ZNF175: variants seen among roughly 807,000 people sequenced by gnomAD.
The protein encoded by ZNF175 is zinc finger protein OTK18.
ZNF175 carries 8 observed loss-of-function variants against 14.0 expected under a neutral mutation model. That is an observed-to-expected ratio of 0.57 (90% CI 0.34 to 1.03). The LOEUF is 1.03. ZNF175 is among the 50% of genes least tolerant of loss of function. The probability of loss-of-function intolerance (pLI) is 0.03; values close to 1 mark genes in which losing one functional copy is unlikely to be tolerated. For missense variants in ZNF175, 764 were observed against 849.5 expected, an observed-to-expected ratio of 0.90 and a Z score of 1.25; for synonymous variants, 255 against 296.8, an observed-to-expected ratio of 0.86 and a Z score of 1.45.
Position 51,592,459 on chromosome 19 carries a change from A to G in ZNF175, c.*3992A>G, listed in dbSNP as rs888746078. On this transcript the variant is annotated 3_prime_UTR_variant, in exon 5 of 5. Transcript: ENST00000262259. ...ACAAATGCTCGTTCTTAATGATTCA[A>G]CAAACATGGAATTTCATTAAATCTG... The G allele has an allele frequency of 5.4e-6, 3 of 556,868 alleles. No individual in the cohort carries two copies. Among genetic ancestry groups the G allele is most frequent in the Non-Finnish European group, 9.4e-6 (3 of 318,790 alleles). 34.5% of individuals were successfully genotyped at this position (556,868 alleles called of 1,614,324 possible). A position where few individuals can be genotyped will look rare whatever the true frequency, so the allele number is the denominator to read the frequency against.
In ZNF175 at chr19:51,588,939, T is replaced by TAA; in HGVS notation, c.*473_*474dup. 2.6e-6 allele frequency: 1 copy of TAA among 379,092 alleles called. No individual in the cohort carries two copies. Among genetic ancestry groups the TAA allele is most frequent in the East Asian group, 3.8e-5 (1 of 26,258 alleles). The allele number at this position is 379,092 out of a possible 1,614,324, so 23.5% of individuals were successfully genotyped here. A position where few individuals can be genotyped will look rare whatever the true frequency, so the allele number is the denominator to read the frequency against. On this transcript the variant is annotated 3_prime_UTR_variant, in exon 5 of 5. Transcript: ENST00000262259. ...CGCCTTATGTATATAAGCATATATA[T>TAA]AATATATAAGCATATTATTATATAC...
In ZNF175 at chr19:51,587,400, C is replaced by T. The variant is rs139618565; in HGVS notation, c.1069C>T (p.His357Tyr). Residue 357 changes from histidine to tyrosine, a missense_variant, in exon 5 of 5, where the codon CAC (histidine) becomes TAC (tyrosine). His to Tyr is a moderately conservative substitution (Grantham distance 83). Coordinates refer to ENST00000262259, the MANE Select transcript of ZNF175 (RefSeq NM_007147.4). The stretch of plus-strand genomic sequence containing the variant: ...AGAATTGCTTACGCACCAGAAAACA[C>T]ACACTAGAAAGAAGCCCTATAAATG... ...RSELLTHQKT[H>Y]TRKKPYKCHD... 15 of 1,613,976 alleles carry T rather than the reference C, an allele frequency of 9.3e-6. No homozygotes were observed. In the African/African-American group the frequency reaches 2.0e-4, roughly 22 times the overall value.
intron 2 of ZNF175, among the ~76,000 whole-genome samples, chr19:51,577,836 T>A (rs1000070484): frequency 6.6e-6 from 1 of 151,678 alleles, no homozygotes. Flanking sequence ...GCTAATTTTT[T>A]GTATTTTTAG....
chr19:51,585,617 T>G lies in ZNF175; in HGVS notation c.296-1010T>G, dbSNP rs556840264. Among the ~76,000 whole-genome samples the G allele has an allele frequency of 8.5e-5, 13 of 152,302 alleles. No individual in the cohort carries two copies. In the South Asian group the frequency reaches 2.7e-3, roughly 32 times the overall value. On this transcript the variant is annotated intron_variant, in intron 4 of 4. Coordinates refer to ENST00000262259, the MANE Select transcript of ZNF175 (RefSeq NM_007147.4). ...AAGCGAAAAGAAACTACATGTGATG[T>G]TCATACTCAGTATTAAAATCTGGTA... is the stretch of plus-strand genomic sequence containing the variant.
Position 51,589,874 on chromosome 19 carries a change from T to TACACACACAAAC in ZNF175, c.*1417_*1428dup, listed in dbSNP as rs1349071811. On this transcript the variant is annotated 3_prime_UTR_variant, in exon 5 of 5. Coordinates refer to ENST00000262259, the MANE Select transcript of ZNF175 (RefSeq NM_007147.4). ...ACAGAAAATGTTTGCCAGCACATGA[T>TACACACACAAAC]ACACACACAAACACACACACATACA... 1.2e-5 allele frequency: 6 copies of TACACACACAAAC among 500,182 alleles called. No homozygotes were observed. Among genetic ancestry groups the TACACACACAAAC allele is most frequent in the Non-Finnish European group, 2.1e-5 (6 of 281,980 alleles). The allele number at this position is 500,182 out of a possible 1,614,324, so 31.0% of individuals were successfully genotyped here.
intron 2 of ZNF175, among the ~76,000 whole-genome samples, chr19:51,581,182 A>AAATG (rs1981985747): frequency 6.6e-6 from 1 of 152,180 alleles, no homozygotes; most frequent in African/African-American, 2.4e-5. Flanking sequence ...TGAAAAAAAA[A>AAATG]AATGAATGAA....
Position 51,586,878 on chromosome 19 carries a change from C to T in ZNF175, c.547C>T (p.Arg183Cys), listed in dbSNP as rs760468020. ...CEYKDPGKMI[R>C]TRPHLASSQK... is the part of the protein sequence containing the mutation. ...ATATAAGGACCCTGGGAAAATGATT[C>T]GCACGAGGCCCCACCTTGCTTCTTC... The change falls in exon 5 of 5, where the codon CGC becomes TGC. Residue 183 changes from arginine (R) to cysteine (C), a missense_variant. Physicochemically the swap from Arg to Cys is radical, Grantham distance 180 (BLOSUM62 -3). Coordinates refer to ENST00000262259, the MANE Select transcript of ZNF175 (RefSeq NM_007147.4). 6.3e-5 allele frequency: 102 copies of T among 1,614,052 alleles called. No homozygotes were observed. In the East Asian group the frequency reaches 1.3e-3, roughly 20 times the overall value.
Position 51,591,538 on chromosome 19 carries a change from A to G in ZNF175, c.*3071A>G, listed in dbSNP as rs1226036782. The stretch of plus-strand genomic sequence containing the variant: ...TTTTGAGTTTCCAGAGGGAGAAGCT[A>G]CTATTCTAGGCAGCTTGTATGAACT... On this transcript the variant is annotated 3_prime_UTR_variant, in exon 5 of 5. Coordinates refer to ENST00000262259, the MANE Select transcript of ZNF175 (RefSeq NM_007147.4). 1 of 152,224 alleles carries G rather than the reference A, an allele frequency of 6.6e-6. No individual in the cohort carries two copies. Among genetic ancestry groups the G allele is most frequent in the Admixed American group, 6.5e-5 (1 of 15,276 alleles). The allele number at this position is 152,224 out of a possible 1,614,324, so 9.4% of individuals were successfully genotyped here. A position where few individuals can be genotyped will look rare whatever the true frequency, so the allele number is the denominator to read the frequency against.
In ZNF175 at chr19:51,587,672, T is replaced by C. The variant is rs552270704; in HGVS notation, c.1341T>C (p.Tyr447=). 1.9e-6 allele frequency: 3 copies of C among 1,614,014 alleles called. No individual in the cohort carries two copies. Among genetic ancestry groups the C allele is most frequent in the South Asian group, 2.2e-5 (2 of 91,068 alleles). ...GAATCCACTCAGGGCAGAAGTCCTA[T>C]GTGTGTATCGAATGCGGGCAGGCCT... ...HQRIHSGQKS[Y]VCIECGQAFI... is the part of the protein sequence containing the mutation. Residue 447 remains tyrosine, a synonymous_variant, in exon 5 of 5, where the codon TAT becomes TAC. Coordinates refer to ENST00000262259, the MANE Select transcript of ZNF175 (RefSeq NM_007147.4).
At chr19:51,580,622 G>A (rs189594503) in intron 2 of ZNF175, among the ~76,000 whole-genome samples, 8 of 152,200 alleles carry the variant, frequency 5.3e-5, no homozygotes, top group Non-Finnish European at 1.2e-4. Context: ...ATGGCAGTCC[G>A]TTCATTAAAA....
chr19:51,577,663 C>CTT (rs35533410), intron 2 of ZNF175, among the ~76,000 whole-genome samples: 4,597 of 127,162 alleles, frequency 0.036, 336 homozygotes, highest in African/African-American at 0.12. Flanking sequence ...CTTTCTCTCT[C>CTT]TTTTTTTTTT....
chr19:51,578,811 A>T (rs937138101), intron 2 of ZNF175, among the ~76,000 whole-genome samples: 2 of 152,036 alleles, frequency 1.3e-5, no homozygotes, highest in South Asian at 4.2e-4. Flanking sequence ...GGACAATGAG[A>T]TACTCCTTCA....
chr19:51,572,524 C>T (rs1045567444), intron 1 of ZNF175, among the ~76,000 whole-genome samples: 14 of 152,112 alleles, frequency 9.2e-5, no homozygotes, highest in African/African-American at 3.4e-4. Context: ...AGAATAGGTA[C>T]ACCAGACAGA....
Position 51,589,429 on chromosome 19 carries a change from A to G in ZNF175, c.*962A>G. The G allele has an allele frequency of 1.7e-6, 1 of 604,092 alleles. No individual in the cohort carries two copies. Among genetic ancestry groups the G allele is most frequent in the Non-Finnish European group, 2.9e-6 (1 of 339,710 alleles). 37.4% of individuals were successfully genotyped at this position (604,092 alleles called of 1,614,324 possible). ...TTGAATATTTATATAATGAGGTTGTATCAACAATGATTAACTCCTTTATTA... is the reference window on the plus strand; with the variant it reads ...TTGAATATTTATATAATGAGGTTGTGTCAACAATGATTAACTCCTTTATTA... On this transcript the variant is annotated 3_prime_UTR_variant, in exon 5 of 5. Transcript: ENST00000262259.
At chr19:51,582,785 G>C (rs539044766) in intron 4 of ZNF175, among the ~76,000 whole-genome samples, 2 of 150,506 alleles carry the variant, frequency 1.3e-5, no homozygotes, top group Non-Finnish European at 3.0e-5. Context: ...TCTTTTCTTT[G>C]CTGGATCTGC....
chr19:51,585,080 A>G (rs1180896624), intron 4 of ZNF175, among the ~76,000 whole-genome samples: 1 of 152,254 alleles, frequency 6.6e-6, no homozygotes, highest in Non-Finnish European at 1.5e-5. Flanking sequence ...GGAATTGTCC[A>G]TTGACCAATG....
chr19:51,586,703 G>T lies in ZNF175; in HGVS notation c.372G>T (p.Glu124Asp), dbSNP rs543032291. The change falls in exon 5 of 5, where the codon GAG becomes GAT. Residue 124 changes from glutamate (E) to aspartate (D), a missense_variant. Transcript: ENST00000262259. ...KASFQKDMVG[E>D]FTRDGSWCSI... ...CATTTCAAAAGGATATGGTAGGTGA[G>T]TTCACAAGAGATGGTTCATGGTGTT... 1 of 1,614,042 alleles carries T rather than the reference G, an allele frequency of 6.2e-7. No individual in the cohort carries two copies. Among genetic ancestry groups the T allele is most frequent in the Non-Finnish European group, 8.5e-7 (1 of 1,180,020 alleles).
chr19:51,580,713 C>T (rs1432431794), intron 2 of ZNF175, among the ~76,000 whole-genome samples: 1 of 152,228 alleles, frequency 6.6e-6, no homozygotes, highest in African/African-American at 2.4e-5. Flanking sequence ...CCAAACATGA[C>T]ATAGTCGCCT....
chr19:51,588,048 C>T lies in ZNF175; in HGVS notation c.1717C>T (p.Gln573Ter), dbSNP rs753382213. 9 of 1,614,056 alleles carry T rather than the reference C, an allele frequency of 5.6e-6. No homozygotes were observed. In the South Asian group the frequency reaches 9.9e-5, roughly 18 times the overall value. The stretch of plus-strand genomic sequence containing the variant: ...TGGGAAAGCCTTCACTTCTAAGTCT[C>T]AATTCAAAGAGCATCAGCGAATTCA... Reference protein sequence around the residue: ...ECGKAFTSKSQFKEHQRIHTG... With the variant: ...ECGKAFTSKS Residue 573 changes from glutamine (Q) to a stop codon, truncating the protein, a stop_gained, in exon 5 of 5, where the codon CAA (glutamine) becomes TAA (stop). Coordinates refer to ENST00000262259, the MANE Select transcript of ZNF175 (RefSeq NM_007147.4). LOFTEE classifies it low-confidence loss of function (END_TRUNC).
Sources: gnomAD v4.1 joint callset for allele counts (sites outside exome capture counted in the v4.1 genomes callset) on GRCh38, gnomAD v4.1.1 for gene constraint, MANE v1.5 for transcripts, NCBI Gene and HGNC (gene_info 2026-07-23, HGNC 2026-07-21) for gene names.